Variants in FBLN5 observed in about 807,000 individuals in gnomAD.
FBLN5 encodes the protein fibulin-5.
A neutral mutation model predicts 61.6 loss-of-function variants in FBLN5; 24 were observed. The observed-to-expected ratio is 0.39, with a 90% CI of 0.28 to 0.55. The LOEUF is 0.55. FBLN5 is among the 20% of genes least tolerant of loss of function. The pLI is 0.65. For missense variants in FBLN5, 470 were observed against 594.1 expected, an observed-to-expected ratio of 0.79 and a Z score of 2.17; for synonymous variants, 213 against 219.8, an observed-to-expected ratio of 0.97 and a Z score of 0.27.
At chr14:91,870,595 G>A (rs903903622) in intron 10 of FBLN5, among the ~76,000 whole-genome samples, 1 of 152,206 alleles carries the variant, frequency 6.6e-6, no homozygotes, top group African/African-American at 2.4e-5. Flanking sequence ...TTCCTAAGAG[G>A]AGCCTTCTCT....
intron 4 of FBLN5, among the ~76,000 whole-genome samples, chr14:91,912,613 C>A (rs941931511): frequency 1.1e-4 from 17 of 151,996 alleles, no homozygotes; most frequent in Non-Finnish European, 2.2e-4. Context: ...CCACTGCACT[C>A]CAGCCTGGGT....
Position 91,887,328 on chromosome 14 carries a change from G to A in FBLN5, c.620-16C>T, listed in dbSNP as rs1213772729. On this transcript the variant is annotated splice_polypyrimidine_tract_variant and intron_variant, in intron 6 of 10. Coordinates refer to ENST00000342058, the MANE Select transcript of FBLN5 (RefSeq NM_006329.4). Reference sequence around the variant, plus strand: ...TCGTTCACATCTGTGGAAAGCCAAGGCACATTGCTGACTGTCCTCCCAACA... The same window carrying A: ...TCGTTCACATCTGTGGAAAGCCAAGACACATTGCTGACTGTCCTCCCAACA... 6.2e-7 allele frequency: 1 copy of A among 1,611,380 alleles called. No individual in the cohort carries two copies. The highest frequency in any genetic ancestry group is 2.2e-5 in the East Asian group (1 of 44,874).
At chr14:91,898,914 G>C (rs908688033) in intron 4 of FBLN5, among the ~76,000 whole-genome samples, 1 of 145,854 alleles carries the variant, frequency 6.9e-6, no homozygotes, top group African/African-American at 2.6e-5. Flanking sequence ...CCACTCTTCT[G>C]CCTCAGCCTC....
intron 9 of FBLN5, among the ~76,000 whole-genome samples, chr14:91,878,517 G>A (rs756545666): frequency 6.6e-5 from 10 of 152,150 alleles, no homozygotes; most frequent in Admixed American, 2.0e-4. Flanking sequence ...TGAGACGCGC[G>A]GTGGTGGCCA....
intron 7 of FBLN5, among the ~76,000 whole-genome samples, chr14:91,883,659 A>AAAAAAAC (rs1555375092): frequency 6.6e-6 from 1 of 150,470 alleles, no homozygotes; most frequent in Non-Finnish European, 1.5e-5. Context: ...AAAAAAAACA[A>AAAAAAAC]AAAAAACACA....
At chr14:91,915,036 T>C (rs2140013540) in intron 4 of FBLN5, among the ~76,000 whole-genome samples, 1 of 152,162 alleles carries the variant, frequency 6.6e-6, no homozygotes, top group Middle Eastern at 3.4e-3. Flanking sequence ...GGCGAGCACC[T>C]GTAATCCCAG....
chr14:91,900,570 GC>G (rs1705538709), intron 4 of FBLN5, among the ~76,000 whole-genome samples: 1 of 152,150 alleles, frequency 6.6e-6, no homozygotes, highest in Non-Finnish European at 1.5e-5. Context: ...ACACCAAAGG[GC>G]TGAGAACTCC....
At chr14:91,886,432 TCTAA>T (rs2139967223) in intron 7 of FBLN5, among the ~76,000 whole-genome samples, 1 of 152,220 alleles carries the variant, frequency 6.6e-6, no homozygotes, top group African/African-American at 2.4e-5. Flanking sequence ...ATAATATTTT[TCTAA>T]CTAAGAAAAA....
chr14:91,899,412 G>A (rs541187971), intron 4 of FBLN5, among the ~76,000 whole-genome samples: 17 of 152,328 alleles, frequency 1.1e-4, no homozygotes, highest in Admixed American at 1.3e-4. Flanking sequence ...GGAGGAAAGC[G>A]CTCACCAGCT....
At chr14:91,887,070 A>C (rs1889758198) in intron 7 of FBLN5, 123 bp downstream of exon 7, 5 of 1,053,658 alleles carry the variant, frequency 4.7e-6, no homozygotes, top group Non-Finnish European at 7.3e-6. Context: ...GCCCTGGAGG[A>C]TGTCCCAAAC....
In FBLN5 at chr14:91,947,014, A is replaced by T. The variant is rs2056195471; in HGVS notation, c.17+199T>A. 12 of 1,514,426 alleles carry T rather than the reference A, an allele frequency of 7.9e-6. No individual in the cohort carries two copies. The South Asian group carries it at 1.5e-4, about 19-fold the overall frequency. The allele number at this position is 1,514,426 out of a possible 1,614,324, so 93.8% of individuals were successfully genotyped here. ...TTTGAAACTGTATTAGAAAATACCC[A>T]CTCCCAAAAGAACGCTTCAAGATGG... On this transcript the variant is annotated intron_variant, in intron 1 of 10. Coordinates refer to ENST00000342058, the MANE Select transcript of FBLN5 (RefSeq NM_006329.4). This position sits in a 1 kb window ranked among gnomAD's most constrained non-coding sequence, Gnocchi z 4.3.
intron 4 of FBLN5, among the ~76,000 whole-genome samples, chr14:91,926,009 G>A (rs1268174284): frequency 6.6e-6 from 1 of 152,142 alleles, no homozygotes; most frequent in Non-Finnish European, 1.5e-5. Flanking sequence ...GGCTAGCCTG[G>A]GTTCATCGGT....
chr14:91,939,480 C>T (rs1178529862), intron 3 of FBLN5, among the ~76,000 whole-genome samples: 1 of 151,910 alleles, frequency 6.6e-6, no homozygotes, highest in Admixed American at 6.6e-5. Context: ...GCTGGGGCTA[C>T]AAGCACATGC....
At chr14:91,924,836 G>A (rs992282172) in intron 4 of FBLN5, among the ~76,000 whole-genome samples, 50 of 152,086 alleles carry the variant, frequency 3.3e-4, no homozygotes, top group African/African-American at 1.1e-3. Flanking sequence ...TGCCCCAGGA[G>A]TCCTGTCCCA....
intron 4 of FBLN5, among the ~76,000 whole-genome samples, chr14:91,929,830 T>C (rs2055894222): frequency 6.6e-6 from 1 of 152,164 alleles, no homozygotes; most frequent in South Asian, 2.1e-4. Context: ...TATAAGAAAA[T>C]GCAGACCCTT....
intron 3 of FBLN5, among the ~76,000 whole-genome samples, chr14:91,938,890 C>T (rs957042367): frequency 1.3e-5 from 2 of 152,228 alleles, no homozygotes; most frequent in Non-Finnish European, 2.9e-5. Context: ...AGCTTGAAGC[C>T]TGAAGCCATC....
At position 91,881,273 on chromosome 14, in the gene FBLN5, G is replaced by C; in HGVS notation, c.989+19C>G. The C allele has an allele frequency of 1.2e-6, 2 of 1,613,670 alleles. No individual in the cohort carries two copies. The highest frequency in any genetic ancestry group is 1.7e-6 in the Non-Finnish European group (2 of 1,179,750). ...GCCCTCATCAGGTTTCTATTCCCCA[G>C]GGGGACGCCGTGACTTACTTATCAC... On this transcript the variant is annotated intron_variant, in intron 9 of 10. Transcript: ENST00000342058.
chr14:91,883,061 C>A lies in FBLN5; in HGVS notation c.755G>T (p.Ser252Ile), dbSNP rs370182440. 6.2e-7 allele frequency: 1 copy of A among 1,614,022 alleles called. No individual in the cohort carries two copies. The highest frequency in any genetic ancestry group is 1.1e-5 in the South Asian group (1 of 91,082). ...GVHCSDMDEC[S>I]FSEFLCQHEC... ...ATGTTGGCAGAGGAACTCAGAGAAG[C>A]TGCACTCGTCCATATCTGGGGTGAC... is the stretch of plus-strand genomic sequence containing the variant. The change falls in exon 8 of 11, where the codon AGC becomes ATC. Residue 252 changes from serine (S) to isoleucine (I), a missense_variant. Coordinates refer to ENST00000342058, the MANE Select transcript of FBLN5 (RefSeq NM_006329.4).
chr14:91,943,034 C>T lies in FBLN5; in HGVS notation c.18-73G>A. On this transcript the variant is annotated intron_variant, in intron 1 of 10. Coordinates refer to ENST00000342058, the MANE Select transcript of FBLN5 (RefSeq NM_006329.4). This position sits in a 1 kb window ranked among gnomAD's most constrained non-coding sequence, Gnocchi z 4.0. ...CTAGGGGAGTGTGGGTCGCATGCGGCCCGTGACGTGTAACGGTGATATCAC... is the reference window on the plus strand; with the variant it reads ...CTAGGGGAGTGTGGGTCGCATGCGGTCCGTGACGTGTAACGGTGATATCAC... 2.0e-6 allele frequency: 2 copies of T among 982,528 alleles called. No individual in the cohort carries two copies. The highest frequency in any genetic ancestry group is 1.4e-5 in the South Asian group (1 of 72,576). The allele number at this position is 982,528 out of a possible 1,614,324, so 60.9% of individuals were successfully genotyped here.
Sources: allele counts gnomAD v4.1 joint callset (sites outside exome capture counted in the v4.1 genomes callset), GRCh38; gene constraint gnomAD v4.1.1; non-coding constraint Gnocchi (gnomAD v3.1); transcripts MANE v1.5; gene names NCBI Gene and HGNC (gene_info 2026-07-23, HGNC 2026-07-21).